The following ITGAE variants were observed in gnomAD, a reference collection of about 807,000 sequenced individuals.
ITGAE encodes the protein integrin alpha-E.
Under a neutral mutation model 136.5 loss-of-function variants are expected in ITGAE, and 99 were observed. The observed-to-expected ratio is 0.73, with a 90% CI of 0.62 to 0.86. The LOEUF (loss-of-function observed/expected upper bound fraction) is 0.86. Among genes scored for constraint, ITGAE ranks in the 40% least tolerant of loss-of-function variants. The pLI, the probability that ITGAE is intolerant of heterozygous loss-of-function variation, is 0.00. For missense variants in ITGAE, 1,447 were observed against 1,515.3 expected, an observed-to-expected ratio of 0.95 and a Z score of 0.75; for synonymous variants, 613 against 591.8, an observed-to-expected ratio of 1.04 and a Z score of -0.52.
Position 3,727,929 on chromosome 17 carries a change from G to A in ITGAE, c.3074C>T (p.Thr1025Met), listed in dbSNP as rs753891991. 1.4e-5 allele frequency: 22 copies of A among 1,609,652 alleles called. No individual in the cohort carries two copies. The highest frequency in any genetic ancestry group is 1.6e-4 in the Middle Eastern group (1 of 6,074). ...GLQVVAVKKL[T>M]RTQASTVCTW... ...ACTGCCTTTAAATACCTGAGTCCTC[G>A]TCAGCTTCTTCACTGCTACAACCTG... Residue 1025 changes from threonine to methionine, a missense_variant, in exon 26 of 31, where the codon ACG (threonine) becomes ATG (methionine). By Grantham distance (81) the Thr-to-Met change is moderately conservative (BLOSUM62 -1). Around this residue, in one of 3 missense-constraint regions of ITGAE, gnomAD observed 1,031 missense variants for 1,011.4 expected, o/e 1.02. Transcript: ENST00000263087.
rs988139388 is a variant in ITGAE at position 3,799,561 on chromosome 17, T to A, written c.34+1550A>T. The stretch of plus-strand genomic sequence containing the variant: ...GGCCTGGGCTTGAGCCTCGTGTCTA[T>A]TATCAGTTGCTTGCAAGCCTGGGTA... On this transcript the variant is annotated intron_variant, in intron 1 of 30. Transcript: ENST00000263087. This position sits in a 1 kb window ranked among gnomAD's most constrained non-coding sequence, Gnocchi z 4.1. Among the ~76,000 whole-genome samples, 1 of 152,066 alleles carries A rather than the reference T, an allele frequency of 6.6e-6. No individual in the cohort carries two copies. The highest frequency in any genetic ancestry group is 2.4e-5 in the African/African-American group (1 of 41,390).
chr17:3,749,122 A>G (rs1364173761), intron 16 of ITGAE, among the ~76,000 whole-genome samples: 1 of 151,914 alleles, frequency 6.6e-6, no homozygotes, highest in Non-Finnish European at 1.5e-5. Context: ...GAAGGAAAAG[A>G]GGCATCAAAG....
chr17:3,785,819 C>T (rs952414110), intron 1 of ITGAE, among the ~76,000 whole-genome samples: 29 of 151,020 alleles, frequency 1.9e-4, no homozygotes, highest in African/African-American at 6.8e-4. Flanking sequence ...ACACAAATTA[C>T]CAACATGAAT....
intron 1 of ITGAE, among the ~76,000 whole-genome samples, chr17:3,786,166 C>CAAAAA (rs369144318): frequency 3.4e-5 from 2 of 58,434 alleles, no homozygotes; most frequent in African/African-American, 5.5e-5. Context: ...GACTCCATCT[C>CAAAAA]AAAAAAAAAA....
chr17:3,727,912 T>A lies in ITGAE; in HGVS notation c.3084+7A>T, dbSNP rs1567515095. On this transcript the variant is annotated splice_region_variant and intron_variant, in intron 26 of 30. Transcript: ENST00000263087. ...GGTGTGACTGATAAAGAACTGCCTT[T>A]AAATACCTGAGTCCTCGTCAGCTTC... 1 of 1,582,120 alleles carries A rather than the reference T, an allele frequency of 6.3e-7. No homozygotes were observed. Among genetic ancestry groups the A allele is most frequent in the Non-Finnish European group, 8.7e-7 (1 of 1,151,102 alleles).
chr17:3,776,738 T>C (rs1037453568), intron 2 of ITGAE, among the ~76,000 whole-genome samples: 18 of 146,852 alleles, frequency 1.2e-4, no homozygotes, highest in African/African-American at 4.5e-4. Flanking sequence ...TTGGTTTTTT[T>C]TGAGTTGGGG....
At position 3,739,834 on chromosome 17, in the gene ITGAE, T is replaced by G. The variant is rs752755043; in HGVS notation, c.2493A>C (p.Ala831=). 6.2e-7 allele frequency: 1 copy of G among 1,614,208 alleles called. No homozygotes were observed. The highest frequency in any genetic ancestry group is 8.5e-7 in the Non-Finnish European group (1 of 1,180,020). ...KACKNKLFCV[A]ELQLATTVSQ... ...AGACGGTGGTGGCCAACTGTAATTC[T>G]GCGACACAAAACAGCTTATTCTTGC... The change falls in exon 20 of 31, where the codon GCA becomes GCC. Residue 831 remains alanine (A), a synonymous_variant. Coordinates refer to ENST00000263087, the MANE Select transcript of ITGAE (RefSeq NM_002208.5).
chr17:3,774,626 G>A (rs1050179868), intron 2 of ITGAE, among the ~76,000 whole-genome samples: 29 of 152,182 alleles, frequency 1.9e-4, no homozygotes, highest in African/African-American at 6.5e-4. Flanking sequence ...TTAGCTGGGC[G>A]TGGTGGCGGG....
At chr17:3,772,216 G>A (rs891974282) in intron 2 of ITGAE, among the ~76,000 whole-genome samples, 3 of 151,784 alleles carry the variant, frequency 2.0e-5, no homozygotes, top group African/African-American at 7.2e-5. Context: ...GCCTCGATGC[G>A]CCCCCCCGTA....
In ITGAE at chr17:3,795,041, C is replaced by T. The variant is rs546171386; in HGVS notation, c.34+6070G>A. 6.6e-5 allele frequency among the ~76,000 whole-genome samples: 10 copies of T among 152,288 alleles called. No homozygotes were observed. In the East Asian group the frequency reaches 1.5e-3, roughly 24 times the overall value. On this transcript the variant is annotated intron_variant, in intron 1 of 30. Transcript: ENST00000263087. ...ACTCTCCACCTCTGTCTGCAAAGCC[C>T]GTCTTTTGTGGCCCTGCTCAGCCAG...
chr17:3,790,434 G>C (rs1567560860), intron 1 of ITGAE, among the ~76,000 whole-genome samples: 1 of 151,926 alleles, frequency 6.6e-6, no homozygotes, highest in Non-Finnish European at 1.5e-5. Context: ...TTGAACCTGG[G>C]AGGCGGAGGT....
At chr17:3,762,474 C>T (rs1209129855) in intron 3 of ITGAE, among the ~76,000 whole-genome samples, 7 of 152,018 alleles carry the variant, frequency 4.6e-5, no homozygotes, top group East Asian at 3.9e-4. Context: ...GCTCCTTCCT[C>T]GTCCTCCCCA....
intron 21 of ITGAE, 83 bp downstream of exon 21, chr17:3,734,734 G>C (rs1365495309): frequency 1.2e-5 from 18 of 1,552,376 alleles, no homozygotes; most frequent in Non-Finnish European, 1.5e-5. Context: ...AGGGGTGCCA[G>C]TGAGGGGGCC....
intron 1 of ITGAE, among the ~76,000 whole-genome samples, chr17:3,791,497 G>C (rs888200978): frequency 2.0e-5 from 3 of 152,060 alleles, no homozygotes; most frequent in African/African-American, 7.2e-5. Flanking sequence ...TGGCCAGGCT[G>C]ATTTCAAACT....
Position 3,733,141 on chromosome 17 carries a change from G to A in ITGAE, c.2656-675C>T, listed in dbSNP as rs573954648. The stretch of plus-strand genomic sequence containing the variant: ...TGGGATTATAGGTGCCCACCACCAC[G>A]CCCGGCTAATTTTTTGTATTTTTAA... On this transcript the variant is annotated intron_variant, in intron 21 of 30. Coordinates refer to ENST00000263087, the MANE Select transcript of ITGAE (RefSeq NM_002208.5). Among the ~76,000 whole-genome samples the A allele has an allele frequency of 1.1e-4, 16 of 151,838 alleles. No homozygotes were observed. The East Asian group carries it at 1.8e-3, about 17-fold the overall frequency.
intron 21 of ITGAE, among the ~76,000 whole-genome samples, chr17:3,732,859 T>C (rs2051376255): frequency 6.6e-6 from 1 of 152,164 alleles, no homozygotes; most frequent in Non-Finnish European, 1.5e-5. Flanking sequence ...CACTGCCACG[T>C]AGCCACCAGG....
chr17:3,791,447 T>C (rs1002234974), intron 1 of ITGAE, among the ~76,000 whole-genome samples: 2 of 151,994 alleles, frequency 1.3e-5, no homozygotes, highest in Non-Finnish European at 2.9e-5. Context: ...CATGCCTGGC[T>C]AATTTTTGTA....
At chr17:3,732,098 T>A (rs200300368) in intron 22 of ITGAE, among the ~76,000 whole-genome samples, 1 of 97,558 alleles carries the variant, frequency 1.0e-5, no homozygotes, top group African/African-American at 3.5e-5. Flanking sequence ...ACAAAAAAAC[T>A]TTTTGTCTGA....
rs1036466273 is a variant in ITGAE at position 3,770,719 on chromosome 17, C to T, written c.156-6759G>A. Among the ~76,000 whole-genome samples, 12 of 152,202 alleles carry T rather than the reference C, an allele frequency of 7.9e-5. No individual in the cohort carries two copies. The East Asian group carries it at 2.1e-3, about 27-fold the overall frequency. On this transcript the variant is annotated intron_variant, in intron 2 of 30. Coordinates refer to ENST00000263087, the MANE Select transcript of ITGAE (RefSeq NM_002208.5). ...ATCCTCCTCCCCAGCGTGTTCAAGC[C>T]TGGGAGCCCCTCTCTGCTTCAGCAG...
Sources: gnomAD v4.1 joint callset for allele counts (sites outside exome capture counted in the v4.1 genomes callset) on GRCh38, gnomAD v4.1.1 for gene constraint, gnomAD v4.1.1 regional missense constraint, Gnocchi (gnomAD v3.1) non-coding constraint, MANE v1.5 for transcripts, NCBI Gene and HGNC (gene_info 2026-07-23, HGNC 2026-07-21) for gene names.